ANKHD1: variants seen among roughly 807,000 people sequenced by gnomAD.
ANKHD1 encodes ankyrin repeat and KH domain containing 1, also known as ankyrin repeat and KH domain-containing protein 1.
A neutral mutation model predicts 230.5 loss-of-function variants in ANKHD1; 31 were observed. The ratio of observed to expected loss-of-function variants is 0.13; its 90% CI spans 0.10 to 0.18. ANKHD1 has a LOEUF of 0.18. Among genes scored for constraint, ANKHD1 ranks in the 10% least tolerant of loss-of-function variants. ANKHD1 has a pLI of 1.00. For missense variants in ANKHD1, 2,256 were observed against 3,071.3 expected (o/e 0.73, Z 6.27); for synonymous variants, 1,074 against 1,117.6 (o/e 0.96, Z 0.78).
chr5:140,417,190 ATATGTCG>A (rs1771462419), intron 1 of ANKHD1, among the ~76,000 whole-genome samples: 1 of 151,778 alleles, frequency 6.6e-6, no homozygotes, highest in Non-Finnish European at 1.5e-5. Context: ...AGTGATCAGG[ATATGTCG>A]TATATTGATT....
At chr5:140,486,136 C>T (rs1751490287) in intron 13 of ANKHD1, 1 of 192,014 alleles carries the variant, frequency 5.2e-6, no homozygotes, top group Non-Finnish European at 1.0e-5. Flanking sequence ...ACAATCTCAG[C>T]TCACCGCAAC....
intron 1 of ANKHD1, among the ~76,000 whole-genome samples, chr5:140,417,398 T>G (rs1163107901): frequency 6.6e-6 from 1 of 151,624 alleles, no homozygotes; most frequent in Admixed American, 6.6e-5. Flanking sequence ...ATGTATTTAT[T>G]TATTTAATTA....
In ANKHD1 at chr5:140,495,841, G is replaced by A. The variant is rs571467033; in HGVS notation, c.2246-679G>A. ...CTCATAGACAGAATTTACTTGAAGT[G>A]TTCATTTAAATGCAAGTTGTCCTTT... is the stretch of plus-strand genomic sequence containing the variant. On this transcript the variant is annotated intron_variant, in intron 14 of 33. Transcript: ENST00000360839. Among the ~76,000 whole-genome samples the A allele has an allele frequency of 2.6e-5, 4 of 152,240 alleles. No homozygotes were observed. In the East Asian group the frequency reaches 7.7e-4, roughly 29 times the overall value.
chr5:140,411,929 G>A (rs1311649194), intron 1 of ANKHD1, among the ~76,000 whole-genome samples: 2 of 151,510 alleles, frequency 1.3e-5, no homozygotes, highest in Admixed American at 6.6e-5. Context: ...GCGCAATCAC[G>A]GCTCAGGCAG....
intron 11 of ANKHD1, among the ~76,000 whole-genome samples, chr5:140,483,351 A>T (rs1463428517): frequency 1.1e-4 from 16 of 151,350 alleles, no homozygotes. Flanking sequence ...TACAAGGAAG[A>T]TTCTCTCAGG....
chr5:140,402,228 G>T lies in ANKHD1; in HGVS notation c.261G>T (p.Gly87=). Residue 87 remains glycine, a synonymous_variant, in exon 1 of 34, where the codon GGG becomes GGT. Coordinates refer to ENST00000360839, the MANE Select transcript of ANKHD1 (RefSeq NM_017747.3). The part of the protein sequence containing the change: ...FKLAAAVLRT[G]GGGGASGSDE... The stretch of plus-strand genomic sequence containing the variant: ...TGGCGGCTGCCGTGCTGAGGACCGG[G>T]GGTGGAGGTGGTGCCTCTGGCAGTG... The T allele has an allele frequency of 6.6e-7, 1 of 1,518,578 alleles. No homozygotes were observed. Among genetic ancestry groups the T allele is most frequent in the Middle Eastern group, 1.8e-4 (1 of 5,508 alleles). The allele number at this position is 1,518,578 out of a possible 1,614,324, so 94.1% of individuals were successfully genotyped here. A position where few individuals can be genotyped will look rare whatever the true frequency, so the allele number is the denominator to read the frequency against.
At chr5:140,446,360 A>G (rs547084614) in intron 6 of ANKHD1, among the ~76,000 whole-genome samples, 25 of 152,108 alleles carry the variant, frequency 1.6e-4, no homozygotes, top group Non-Finnish European at 3.1e-4. Context: ...AACACAAAGA[A>G]AAGAAATTTT....
At chr5:140,475,580 AGG>A (rs397748819) in intron 10 of ANKHD1, among the ~76,000 whole-genome samples, 2 of 151,980 alleles carry the variant, frequency 1.3e-5, no homozygotes. Flanking sequence ...ACTAAAAAAA[AGG>A]GGGGAAAAAT....
At chr5:140,466,710 C>A (rs1286496614) in intron 10 of ANKHD1, among the ~76,000 whole-genome samples, 2 of 152,088 alleles carry the variant, frequency 1.3e-5, no homozygotes, top group African/African-American at 2.4e-5. Context: ...CTTTGGGAGA[C>A]CGAGGCGGAC....
chr5:140,438,092 C>T (rs890716720), intron 2 of ANKHD1, among the ~76,000 whole-genome samples: 1 of 152,136 alleles, frequency 6.6e-6, no homozygotes, highest in South Asian at 2.1e-4. Context: ...TCTGAAGATA[C>T]TACTGAAAAT....
rs1039023263 is a variant in ANKHD1 at position 140,485,128 on chromosome 5, T to C, written c.1878T>C (p.Asn626=). Residue 626 remains asparagine, a synonymous_variant, in exon 12 of 34, where the codon AAT becomes AAC. Transcript: ENST00000360839. The surrounding 1 kb of genome is among the most constrained non-coding windows in gnomAD (Gnocchi z 4.8). The part of the protein sequence containing the change: ...TVQFLISKGA[N]VNRATANNDH... ...ATTTATTTTTCTTCAAAGGTGCCAA[T>C]GTTAACAGGGCTACAGCCAATAATG... 1 of 1,601,766 alleles carries C rather than the reference T, an allele frequency of 6.2e-7. No homozygotes were observed. Among genetic ancestry groups the C allele is most frequent in the African/African-American group, 1.3e-5 (1 of 74,850 alleles).
At chr5:140,520,275 A>T (rs1364484068) in intron 24 of ANKHD1, among the ~76,000 whole-genome samples, 1 of 151,814 alleles carries the variant, frequency 6.6e-6, no homozygotes, top group Non-Finnish European at 1.5e-5. Context: ...AAAGTCAGGA[A>T]ACAACAGGTG....
intron 1 of ANKHD1, among the ~76,000 whole-genome samples, chr5:140,427,525 C>T (rs1376854168): frequency 1.4e-5 from 2 of 138,842 alleles, no homozygotes; most frequent in African/African-American, 5.4e-5. Context: ...ACCTCCCGGA[C>T]GGGGCGGCTG....
rs1403610940 is a variant in ANKHD1 at position 140,529,269 on chromosome 5, C to T, written c.6323C>T (p.Thr2108Ile). 1 of 1,614,214 alleles carries T rather than the reference C, an allele frequency of 6.2e-7. No homozygotes were observed. The highest frequency in any genetic ancestry group is 8.5e-7 in the Non-Finnish European group (1 of 1,180,036). Residue 2108 changes from threonine to isoleucine, a missense_variant, in exon 29 of 34, where the codon ACA (threonine) becomes ATA (isoleucine). This residue lies in a region of ANKHD1 where 778 missense variants were observed against 966.5 expected (regional missense o/e 0.80). Coordinates refer to ENST00000360839, the MANE Select transcript of ANKHD1 (RefSeq NM_017747.3). ...TCAGAACCTGCTCCATTGACTTTGA[C>T]ATCACCCAGAATGGTTGCTGCTGAT... ...SNSEPAPLTLTSPRMVAADNQ... is the reference protein window; with the variant it reads ...SNSEPAPLTLISPRMVAADNQ...
chr5:140,491,852 C>T (rs886290635), intron 14 of ANKHD1, among the ~76,000 whole-genome samples: 1 of 152,080 alleles, frequency 6.6e-6, no homozygotes, highest in Non-Finnish European at 1.5e-5. Context: ...TGTTTAAGTA[C>T]TTATTGAATA....
Position 140,485,121 on chromosome 5 carries a change from G to A in ANKHD1, c.1871G>A (p.Gly624Asp). Residue 624 changes from glycine to aspartate, a missense_variant and splice_region_variant, in exon 12 of 34, where the codon GGT becomes GAT. Coordinates refer to ENST00000360839, the MANE Select transcript of ANKHD1 (RefSeq NM_017747.3). This position sits in a 1 kb window ranked among gnomAD's most constrained non-coding sequence, Gnocchi z 4.8. ...LCTVQFLISK[G>D]ANVNRATANN... is the part of the protein sequence containing the mutation. ...GATTGCGATTTATTTTTCTTCAAAG[G>A]TGCCAATGTTAACAGGGCTACAGCC... is the stretch of plus-strand genomic sequence containing the variant. The A allele has an allele frequency of 6.3e-7, 1 of 1,599,472 alleles. No homozygotes were observed. Among genetic ancestry groups the A allele is most frequent in the Non-Finnish European group, 8.6e-7 (1 of 1,168,380 alleles).
chr5:140,440,871 G>T, intron 4 of ANKHD1, 124 bp from the exon 5 acceptor site: 1 of 1,250,444 alleles, frequency 8.0e-7, no homozygotes, highest in South Asian at 2.9e-5. Context: ...TTTTCAAAAG[G>T]TCATTATTGA....
intron 1 of ANKHD1, among the ~76,000 whole-genome samples, chr5:140,432,792 T>G (rs980169057): frequency 2.0e-5 from 3 of 152,106 alleles, no homozygotes; most frequent in Admixed American, 2.0e-4. Context: ...AGTGTAATTT[T>G]GAACTTCTGG....
At position 140,525,332 on chromosome 5, in the gene ANKHD1, G is replaced by C. The variant is rs542500819; in HGVS notation, c.4493-664G>C. ...GGCTGGAGTGCAGTGGTGCAATCTC[G>C]GCTCACTGCAACCTCTGCCCCCCAG... is the stretch of plus-strand genomic sequence containing the variant. On this transcript the variant is annotated intron_variant, in intron 25 of 33. Coordinates refer to ENST00000360839, the MANE Select transcript of ANKHD1 (RefSeq NM_017747.3). 3.0e-3 allele frequency among the ~76,000 whole-genome samples: 460 copies of C among 151,720 alleles called. 1 individual carries two copies. Among genetic ancestry groups the C allele is most frequent in the Non-Finnish European group, 5.3e-3 (362 of 67,916 alleles).
Sources: gnomAD v4.1 joint callset for allele counts (sites outside exome capture counted in the v4.1 genomes callset) on GRCh38, gnomAD v4.1.1 for gene constraint, gnomAD v4.1.1 regional missense constraint, Gnocchi (gnomAD v3.1) non-coding constraint, MANE v1.5 for transcripts, NCBI Gene and HGNC (gene_info 2026-07-23, HGNC 2026-07-21) for gene names.